Variants in CTNNA3 observed in about 807,000 individuals in gnomAD.
CTNNA3 encodes catenin alpha-3.
In CTNNA3, 76 loss-of-function variants were observed where a neutral mutation model predicts 95.7. That is an observed-to-expected ratio of 0.79 (90% confidence interval 0.66 to 0.96). The LOEUF is 0.96. CTNNA3 is among the 40% of genes least tolerant of loss of function. The pLI, the probability that CTNNA3 is intolerant of heterozygous loss-of-function variation, is 0.00. For synonymous variants in CTNNA3, 431 were observed against 374.4 expected (o/e 1.15, Z -1.74); for missense variants, 1,191 against 1,089.8 (o/e 1.09, Z -1.31).
At chr10:67,301,088 A>G (rs975856247) in intron 5 of CTNNA3, among the ~76,000 whole-genome samples, 1 of 152,246 alleles carries the variant, frequency 6.6e-6, no homozygotes, top group Non-Finnish European at 1.5e-5. Flanking sequence ...AGTTAGATTT[A>G]GGGCCAGAGG....
chr10:67,709,047 G>A (rs897784462), intron 1 of CTNNA3, among the ~76,000 whole-genome samples: 2 of 151,628 alleles, frequency 1.3e-5, no homozygotes, highest in African/African-American at 4.8e-5. Flanking sequence ...AGGCATACTT[G>A]CACTGGAAAA....
At chr10:66,318,521 G>A (rs560003377) in intron 12 of CTNNA3, among the ~76,000 whole-genome samples, 2 of 151,678 alleles carry the variant, frequency 1.3e-5, no homozygotes, top group Non-Finnish European at 2.9e-5. Flanking sequence ...CTCTGTGCAC[G>A]CCAAGCTTCC....
At chr10:66,757,232 T>C (rs927622212) in intron 9 of CTNNA3, among the ~76,000 whole-genome samples, 7 of 152,170 alleles carry the variant, frequency 4.6e-5, no homozygotes, top group Non-Finnish European at 8.8e-5. Flanking sequence ...TTGAATTTTC[T>C]GTCTCCACCT....
In CTNNA3 at chr10:67,180,463, C is replaced by G; in HGVS notation, c.901G>C (p.Glu301Gln). The G allele has an allele frequency of 6.2e-7, 1 of 1,613,866 alleles. No individual in the cohort carries two copies. Residue 301 changes from glutamate (E) to glutamine (Q), a missense_variant, in exon 7 of 18, where the codon GAG becomes CAG. Glu to Gln is a conservative substitution (Grantham distance 29). Transcript: ENST00000433211. ...VTEEEIRPSL[E>Q]KRLEAIISGA... ...CTGATAATGGCTTCAAGGCGTTTCTCTAGTGATGGTCGTATTTCCTCCTCA... is the reference window on the plus strand; with the variant it reads ...CTGATAATGGCTTCAAGGCGTTTCTGTAGTGATGGTCGTATTTCCTCCTCA...
At chr10:67,726,913 CAT>C (rs1037666308) in intron 1 of CTNNA3, among the ~76,000 whole-genome samples, 11 of 110,556 alleles carry the variant, frequency 9.9e-5, no homozygotes, top group Non-Finnish European at 1.3e-4. Context: ...ACATTATATA[CAT>C]ATGATATAAA....
intron 5 of CTNNA3, among the ~76,000 whole-genome samples, chr10:67,411,511 C>G (rs1845366288): frequency 6.6e-6 from 1 of 151,968 alleles, no homozygotes; most frequent in South Asian, 2.1e-4. Context: ...GATCTGTACC[C>G]TGTTATATTT....
chr10:67,622,132 A>G (rs1047024251), intron 2 of CTNNA3, among the ~76,000 whole-genome samples: 2 of 152,166 alleles, frequency 1.3e-5, no homozygotes, highest in Non-Finnish European at 2.9e-5. Context: ...GTAGAGTCAG[A>G]CCTTGAGCAG....
At chr10:66,373,166 T>G (rs991564928) in intron 12 of CTNNA3, among the ~76,000 whole-genome samples, 1 of 152,134 alleles carries the variant, frequency 6.6e-6, no homozygotes, top group Non-Finnish European at 1.5e-5. Flanking sequence ...TGAGAAAAGA[T>G]TTTGCATCAC....
intron 7 of CTNNA3, among the ~76,000 whole-genome samples, chr10:67,031,868 G>A (rs1252897010): frequency 6.6e-6 from 1 of 151,954 alleles, no homozygotes; most frequent in African/African-American, 2.4e-5. Flanking sequence ...TCTTTTATTG[G>A]GCCACAAAAC....
At chr10:66,977,662 G>A (rs571296659) in intron 7 of CTNNA3, among the ~76,000 whole-genome samples, 33 of 152,278 alleles carry the variant, frequency 2.2e-4, no homozygotes, top group African/African-American at 7.9e-4. Context: ...GGCCTTGTAT[G>A]TTTTAAAGGT....
intron 5 of CTNNA3, among the ~76,000 whole-genome samples, chr10:67,446,373 T>C (rs140557176): frequency 2.0e-5 from 3 of 152,220 alleles, no homozygotes; most frequent in Non-Finnish European, 4.4e-5. Flanking sequence ...AGGGTTTCCT[T>C]CTAAAACCCC....
chr10:66,996,523 C>T (rs1851352834), intron 7 of CTNNA3, among the ~76,000 whole-genome samples: 1 of 151,844 alleles, frequency 6.6e-6, no homozygotes, highest in African/African-American at 2.4e-5. Flanking sequence ...TGGCGCGTGC[C>T]TGTAGTCCCA....
intron 7 of CTNNA3, among the ~76,000 whole-genome samples, chr10:66,787,312 G>C (rs1274846718): frequency 2.0e-5 from 3 of 151,606 alleles, no homozygotes; most frequent in Non-Finnish European, 4.4e-5. Flanking sequence ...CCTCTCGGTG[G>C]TATTTCCCTA....
chr10:66,954,467 G>C (rs1262825721), intron 7 of CTNNA3, among the ~76,000 whole-genome samples: 1 of 152,102 alleles, frequency 6.6e-6, no homozygotes, highest in Non-Finnish European at 1.5e-5. Flanking sequence ...ATGTACAGGA[G>C]AGCATGTTGT....
intron 1 of CTNNA3, among the ~76,000 whole-genome samples, chr10:67,736,875 G>A (rs1192208643): frequency 1.3e-5 from 2 of 152,008 alleles, no homozygotes; most frequent in Non-Finnish European, 2.9e-5. Flanking sequence ...CAGCACACAG[G>A]ACATCCTACA....
chr10:67,170,471 C>T (rs531752528), intron 7 of CTNNA3, among the ~76,000 whole-genome samples: 23 of 152,246 alleles, frequency 1.5e-4, no homozygotes, highest in South Asian at 6.2e-4. Flanking sequence ...TTTGTGGGAA[C>T]GTGGATGGAG....
chr10:67,510,347 C>A (rs1839574545), intron 5 of CTNNA3, among the ~76,000 whole-genome samples: 2 of 152,040 alleles, frequency 1.3e-5, no homozygotes, highest in African/African-American at 4.8e-5. Context: ...TTTAATTCAT[C>A]TTGAATTAAT....
chr10:67,128,517 C>T (rs1431198747), intron 7 of CTNNA3, among the ~76,000 whole-genome samples: 1 of 152,042 alleles, frequency 6.6e-6, no homozygotes, highest in East Asian at 1.9e-4. Flanking sequence ...TATTCTCGAT[C>T]ACAAGCACTT....
At chr10:67,316,772 A>T (rs532131526) in intron 5 of CTNNA3, among the ~76,000 whole-genome samples, 7 of 152,282 alleles carry the variant, frequency 4.6e-5, no homozygotes, top group African/African-American at 1.4e-4. Context: ...TTACCTCCTC[A>T]CATTCAGAGG....
Sources: gnomAD v4.1 joint callset for allele counts (sites outside exome capture counted in the v4.1 genomes callset) on GRCh38, gnomAD v4.1.1 for gene constraint, MANE v1.5 for transcripts, NCBI Gene and HGNC (gene_info 2026-07-23, HGNC 2026-07-21) for gene names.